Variants in EYA4 observed in about 807,000 individuals in gnomAD.
The protein encoded by EYA4 is protein phosphatase EYA4.
Under a neutral mutation model 87.9 loss-of-function variants are expected in EYA4, and 31 were observed. The observed-to-expected ratio is 0.35, with a 90% CI of 0.27 to 0.48. The LOEUF is 0.48. EYA4 is among the 20% of genes least tolerant of loss of function. The pLI is 0.99. For missense variants in EYA4, 678 were observed against 761.4 expected (o/e 0.89, Z 1.29); for synonymous variants, 263 against 270.6 (o/e 0.97, Z 0.28).
rs1243912320 is a variant in EYA4 at position 133,470,167 on chromosome 6, C to T, written c.970+1436C>T. Among the ~76,000 whole-genome samples the T allele has an allele frequency of 4.1e-5, 6 of 145,058 alleles. No individual in the cohort carries two copies. In the South Asian group the frequency reaches 9.2e-4, roughly 22 times the overall value. ...GTTTTGGACATGAAGTCCTTGCCCA[C>T]GCCTATGTCCTGAATGGTAATGCCT... On this transcript the variant is annotated intron_variant, in intron 11 of 19. Coordinates refer to ENST00000355286, the MANE Select transcript of EYA4 (RefSeq NM_004100.5).
chr6:133,528,420 AGATGTT>A (rs1320364728), intron 19 of EYA4, among the ~76,000 whole-genome samples: 5 of 152,124 alleles, frequency 3.3e-5, no homozygotes, highest in African/African-American at 1.2e-4. Context: ...TTGCTTTCCC[AGATGTT>A]GATGTTGGTA....
At chr6:133,420,518 T>C (rs951186386) in intron 3 of EYA4, among the ~76,000 whole-genome samples, 1 of 152,230 alleles carries the variant, frequency 6.6e-6, no homozygotes, top group African/African-American at 2.4e-5. Context: ...TGGGAAAAAG[T>C]AGAGACAGGA....
At chr6:133,479,413 G>A (rs1796016840) in intron 11 of EYA4, among the ~76,000 whole-genome samples, 1 of 152,128 alleles carries the variant, frequency 6.6e-6, no homozygotes, top group East Asian at 1.9e-4. Context: ...TGGAGCACAG[G>A]CATATTTTTT....
chr6:133,329,258 T>G (rs978121372), intron 2 of EYA4, among the ~76,000 whole-genome samples: 1 of 152,068 alleles, frequency 6.6e-6, no homozygotes, highest in Non-Finnish European at 1.5e-5. Flanking sequence ...ATAAATTGGA[T>G]CCACGTTAAT....
At chr6:133,376,242 A>G (rs1785671989) in intron 2 of EYA4, among the ~76,000 whole-genome samples, 1 of 151,750 alleles carries the variant, frequency 6.6e-6, no homozygotes, top group Admixed American at 6.6e-5. Flanking sequence ...TTTACATTAT[A>G]TTTTATATTT....
chr6:133,450,915 G>A (rs1234248687), intron 5 of EYA4, among the ~76,000 whole-genome samples: 1 of 152,158 alleles, frequency 6.6e-6, no homozygotes, highest in Non-Finnish European at 1.5e-5. Flanking sequence ...GTAATTTAAT[G>A]TGTTTCACTA....
intron 13 of EYA4, among the ~76,000 whole-genome samples, chr6:133,495,143 C>A (rs554951399): frequency 5.3e-5 from 8 of 151,974 alleles, no homozygotes; most frequent in African/African-American, 1.7e-4. Context: ...GTGGTGGGCA[C>A]CTGTAATGCC....
chr6:133,360,119 A>G (rs1232418513), intron 2 of EYA4: 2 of 152,242 alleles, frequency 1.3e-5, no homozygotes. Context: ...TTTTTATTTT[A>G]TAAAATGGAA....
chr6:133,516,815 G>T (rs971942385), intron 17 of EYA4, among the ~76,000 whole-genome samples: 1 of 151,932 alleles, frequency 6.6e-6, no homozygotes, highest in African/African-American at 2.4e-5. Context: ...ATGGCCTCCA[G>T]CTCCATCCAT....
At chr6:133,299,713 AAAAAATAAAAT>A (rs1434593760) in intron 2 of EYA4, among the ~76,000 whole-genome samples, 2 of 130,100 alleles carry the variant, frequency 1.5e-5, no homozygotes, top group Admixed American at 1.7e-4. Flanking sequence ...CTCTGTCTCA[AAAAAATAAAAT>A]AAAATAAAAT....
At chr6:133,476,975 A>G (rs1795797582) in intron 11 of EYA4, among the ~76,000 whole-genome samples, 1 of 151,866 alleles carries the variant, frequency 6.6e-6, no homozygotes, top group Non-Finnish European at 1.5e-5. Flanking sequence ...CGTGATAGTG[A>G]GTGAGTTCTC....
At chr6:133,275,098 A>T (rs1582818457) in intron 2 of EYA4, among the ~76,000 whole-genome samples, 1 of 152,266 alleles carries the variant, frequency 6.6e-6, no homozygotes, top group East Asian at 1.9e-4. Flanking sequence ...CAGTCTAAAC[A>T]ATTTTATATA....
rs781702268 is a variant in EYA4, at chr6:133,446,764, C to T, written c.208+10C>T. The stretch of plus-strand genomic sequence containing the variant: ...ACAAATGGGACAGGAGGTAAGTGTA[C>T]TACCCTGAAGATACCCAGAATCATA... On this transcript the variant is annotated intron_variant, in intron 4 of 19. Transcript: ENST00000355286. The T allele has an allele frequency of 1.2e-6, 2 of 1,613,414 alleles. No individual in the cohort carries two copies. Among genetic ancestry groups the T allele is most frequent in the Admixed American group, 3.3e-5 (2 of 60,016 alleles).
chr6:133,416,686 T>C (rs1789742095), intron 3 of EYA4, among the ~76,000 whole-genome samples: 1 of 152,248 alleles, frequency 6.6e-6, no homozygotes, highest in African/African-American at 2.4e-5. Flanking sequence ...TATACACCTA[T>C]ATTTTCGCAT....
intron 2 of EYA4, among the ~76,000 whole-genome samples, chr6:133,335,812 T>A (rs547737814): frequency 6.6e-5 from 10 of 152,124 alleles, no homozygotes; most frequent in Non-Finnish European, 1.5e-4. Flanking sequence ...CATCAAGCAC[T>A]TGTAGGCCAC....
intron 2 of EYA4, among the ~76,000 whole-genome samples, chr6:133,276,537 C>T (rs1777178579): frequency 6.6e-6 from 1 of 152,170 alleles, no homozygotes. Flanking sequence ...TGGTGTCCTT[C>T]TAGTGATATT....
intron 2 of EYA4, among the ~76,000 whole-genome samples, chr6:133,352,360 G>GT (rs144842548): frequency 0.14 from 21,460 of 151,996 alleles, 1,642 homozygotes; most frequent in East Asian, 0.36. Context: ...TGTGTTGACT[G>GT]TTTTTTGTTA....
At chr6:133,467,896 C>T (rs897358121) in intron 10 of EYA4, among the ~76,000 whole-genome samples, 5 of 151,794 alleles carry the variant, frequency 3.3e-5, no homozygotes, top group African/African-American at 1.2e-4. Flanking sequence ...AAAAGCAGGT[C>T]AGGGGTGTTG....
intron 3 of EYA4, among the ~76,000 whole-genome samples, chr6:133,400,531 T>G (rs1290539034): frequency 1.3e-5 from 2 of 150,940 alleles, no homozygotes; most frequent in African/African-American, 4.9e-5. Flanking sequence ...AAAAAAAAAA[T>G]TATATGCTTA....
Sources: gnomAD v4.1 joint callset for allele counts (sites outside exome capture counted in the v4.1 genomes callset) on GRCh38, gnomAD v4.1.1 for gene constraint, MANE v1.5 for transcripts, NCBI Gene and HGNC (gene_info 2026-07-23, HGNC 2026-07-21) for gene names.